Variants in ZFP90 observed in about 807,000 individuals in gnomAD.
ZFP90 encodes zinc finger protein 90 homolog.
Under a neutral mutation model 60.8 loss-of-function variants are expected in ZFP90, and 38 were observed. That is an observed-to-expected ratio of 0.62 (90% CI 0.48 to 0.82). ZFP90 has a LOEUF of 0.82. Ranked by LOEUF, ZFP90 falls within the 40% of genes least tolerant of loss-of-function variation. ZFP90 has a pLI of 0.00. For synonymous variants in ZFP90, 287 were observed against 264.8 expected, an observed-to-expected ratio of 1.08 and a Z score of -0.82; for missense variants, 711 against 759.1, an observed-to-expected ratio of 0.94 and a Z score of 0.74.
At chr16:68,550,746 T>C (rs2091246269) in intron 2 of ZFP90, among the ~76,000 whole-genome samples, 1 of 152,244 alleles carries the variant, frequency 6.6e-6, no homozygotes, top group Admixed American at 6.5e-5. Context: ...TTAGACTGTG[T>C]GGCTGTAGAT....
At chr16:68,557,911 T>G (rs1029380998) in intron 2 of ZFP90, 87 bp from the exon 3 acceptor site, 44 of 1,567,984 alleles carry the variant, frequency 2.8e-5, no homozygotes, top group Admixed American at 5.1e-5. Context: ...GATCACCACT[T>G]CTGATAGCTC....
Position 68,564,365 on chromosome 16 carries a change from A to C in ZFP90, c.1578A>C (p.Glu526Asp). The stretch of plus-strand genomic sequence containing the variant: ...TTCATACTGGAGAGAAACCCTATGA[A>C]TGTAATGAGTGTGGAGAAGCCTTTA... The part of the protein sequence containing the change: ...HRIHTGEKPY[E>D]CNECGEAFSR... The change falls in exon 5 of 5, where the codon GAA becomes GAC. Residue 526 changes from glutamate (E) to aspartate (D), a missense_variant. By Grantham distance (45) the Glu-to-Asp change is conservative. This residue lies in a region of ZFP90 where 295 missense variants were observed against 274.0 expected (regional missense o/e 1.08). Coordinates refer to ENST00000563169, the MANE Select transcript of ZFP90 (RefSeq NM_001305203.2). 6.2e-7 allele frequency: 1 copy of C among 1,614,104 alleles called. No homozygotes were observed. Among genetic ancestry groups the C allele is most frequent in the South Asian group, 1.1e-5 (1 of 91,080 alleles).
intron 2 of ZFP90, chr16:68,557,273 C>G (rs2091359902): frequency 4.4e-6 from 2 of 456,000 alleles, no homozygotes; most frequent in African/African-American, 4.0e-5. Context: ...CTTGACCTCT[C>G]AAAGTGTTAG....
chr16:68,539,377 T>C lies in ZFP90; in HGVS notation c.-138T>C, dbSNP rs571400787. 137 of 233,726 alleles carry C rather than the reference T, an allele frequency of 5.9e-4. 1 individual carries two copies. The highest frequency in any genetic ancestry group is 1.4e-3 in the Admixed American group (24 of 17,564). The allele number at this position is 233,726 out of a possible 1,614,324, so 14.5% of individuals were successfully genotyped here. A position where few individuals can be genotyped will look rare whatever the true frequency, so the allele number is the denominator to read the frequency against. ...TGGGCAGCCCCTCCGCAGATCAGAATTGGAGATAACCGAGGCTTCGGCGGG... is the reference window on the plus strand; with the variant it reads ...TGGGCAGCCCCTCCGCAGATCAGAACTGGAGATAACCGAGGCTTCGGCGGG... On this transcript the variant is annotated 5_prime_UTR_variant, in exon 1 of 5. Transcript: ENST00000563169.
At position 68,564,103 on chromosome 16, in the gene ZFP90, A is replaced by G. The variant is rs750111787; in HGVS notation, c.1316A>G (p.Gln439Arg). Residue 439 changes from glutamine (Q) to arginine (R), a missense_variant, in exon 5 of 5, where the codon CAA becomes CGA. Coordinates refer to ENST00000563169, the MANE Select transcript of ZFP90 (RefSeq NM_001305203.2). ...IDFKHSTSLT[Q>R]DESTLTEVKS... ...TTCAAGCACAGCACATCTCTCACTC[A>G]AGATGAAAGCACTCTTACCGAAGTG... is the stretch of plus-strand genomic sequence containing the variant. The G allele has an allele frequency of 3.1e-6, 5 of 1,614,168 alleles. No individual in the cohort carries two copies. The South Asian group carries it at 5.5e-5, about 18-fold the overall frequency.
rs1407223853 is a variant in ZFP90 at position 68,563,892 on chromosome 16, A to G, written c.1105A>G (p.Lys369Glu). The change falls in exon 5 of 5, where the codon AAG becomes GAG. Residue 369 changes from lysine (K) to glutamate (E), a missense_variant. Physicochemically the swap from Lys to Glu is moderately conservative, Grantham distance 56 (BLOSUM62 1). Coordinates refer to ENST00000563169, the MANE Select transcript of ZFP90 (RefSeq NM_001305203.2). The stretch of plus-strand genomic sequence containing the variant: ...CAGTGGAGAGAAGCCCTTCCAGTGT[A>G]AGGAATGTGGGAAAGCCTTTAGTCG... The part of the protein sequence containing the change: ...THSGEKPFQC[K>E]ECGKAFSRCS... The G allele has an allele frequency of 1.9e-6, 3 of 1,614,166 alleles. No individual in the cohort carries two copies. The highest frequency in any genetic ancestry group is 2.5e-6 in the Non-Finnish European group (3 of 1,180,012).
At chr16:68,572,457 T>C (rs547249308) in intron 2 of ZFP90, among the ~76,000 whole-genome samples, 30 of 152,304 alleles carry the variant, frequency 2.0e-4, no homozygotes, top group African/African-American at 7.0e-4. Flanking sequence ...GAAAACAAAA[T>C]GTCACATTCC....
At chr16:68,535,007 T>C (rs545878000), upstream of ZFP90, among the ~76,000 whole-genome samples, 2 of 152,350 alleles carry the variant, frequency 1.3e-5, no homozygotes, top group South Asian at 2.1e-4. Flanking sequence ...ATGAATATTA[T>C]ACTATTTTTT....
At chr16:68,557,260 G>A (rs982022371) in intron 2 of ZFP90, 22 of 455,824 alleles carry the variant, frequency 4.8e-5, no homozygotes, top group African/African-American at 1.8e-4. Flanking sequence ...GCGTTCTGCC[G>A]GCCTTGACCT....
chr16:68,544,216 T>G (rs1705325136), intron 2 of ZFP90, among the ~76,000 whole-genome samples: 1 of 152,164 alleles, frequency 6.6e-6, no homozygotes. Flanking sequence ...CATTTGCCAT[T>G]CTTAAAGTTG....
At chr16:68,575,765 G>A (rs1389004243) in intron 2 of ZFP90, 2 of 398,202 alleles carry the variant, frequency 5.0e-6, no homozygotes, top group Non-Finnish European at 8.8e-6. Context: ...TTGGGTTTCA[G>A]TGGGGACCTG....
intron 4 of ZFP90, chr16:68,562,276 A>G (rs1459319258): frequency 6.6e-6 from 1 of 152,196 alleles, no homozygotes; most frequent in Non-Finnish European, 1.5e-5. Flanking sequence ...CATTTCCATC[A>G]CTCCAAAAAG....
At chr16:68,561,548 T>A (rs1476867500) in intron 4 of ZFP90, among the ~76,000 whole-genome samples, 1 of 152,210 alleles carries the variant, frequency 6.6e-6, no homozygotes, top group Non-Finnish European at 1.5e-5. Flanking sequence ...TTTAATAATA[T>A]GCCATCTGAT....
At position 68,566,658 on chromosome 16, in the gene ZFP90, A is replaced by T. The variant is rs2091533019; in HGVS notation, c.*1960A>T. ...GTTTATGGTGCACCATGATTAGCTC[A>T]CACACAATGCCAAGGCTGTGCTTCT... On this transcript the variant is annotated 3_prime_UTR_variant, in exon 5 of 5. Coordinates refer to ENST00000563169, the MANE Select transcript of ZFP90 (RefSeq NM_001305203.2). 2.0e-6 allele frequency: 2 copies of T among 985,458 alleles called. No homozygotes were observed. The highest frequency in any genetic ancestry group is 1.7e-5 in the African/African-American group (1 of 57,228). 61.0% of individuals were successfully genotyped at this position (985,458 alleles called of 1,614,324 possible).
chr16:68,544,868 T>G (rs1013481376), intron 2 of ZFP90, among the ~76,000 whole-genome samples: 1 of 5,308 alleles, frequency 1.9e-4, no homozygotes, highest in Non-Finnish European at 3.2e-4. Context: ...GAACACCTTT[T>G]TTTTTTTTTT....
chr16:68,566,230 C>T lies in ZFP90; in HGVS notation c.*1532C>T, dbSNP rs2091525004. ...CCCCTAATGACTCCCATGGGCTATC[C>T]TAAAGGAACTTCCAGAACCTTTGTT... is the stretch of plus-strand genomic sequence containing the variant. On this transcript the variant is annotated 3_prime_UTR_variant, in exon 5 of 5. Coordinates refer to ENST00000563169, the MANE Select transcript of ZFP90 (RefSeq NM_001305203.2). 6.1e-6 allele frequency: 6 copies of T among 985,594 alleles called. No individual in the cohort carries two copies. The highest frequency in any genetic ancestry group is 7.2e-6 in the Non-Finnish European group (6 of 829,956). 61.1% of individuals were successfully genotyped at this position (985,594 alleles called of 1,614,324 possible).
chr16:68,544,074 G>A (rs947769492), intron 2 of ZFP90, among the ~76,000 whole-genome samples: 3 of 151,948 alleles, frequency 2.0e-5, no homozygotes, highest in African/African-American at 4.8e-5. Context: ...GACTGGTCTT[G>A]AACTCCTGAC....
Position 68,573,983 on chromosome 16 carries a change from C to T in ZFP90, c.224-1808C>T, listed in dbSNP as rs117843866. ...CACAGCGTGGGTACAAGCTTGGCTG[C>T]GTGCCTTTCTCCAGGTTTCCTGCAT... On this transcript the variant is annotated intron_variant, in intron 2 of 2. Transcript: ENST00000573113. 3.2e-3 allele frequency: 420 copies of T among 131,416 alleles called. 4 individuals are homozygous for T. In the East Asian group the frequency reaches 0.061, roughly 19 times the overall value. The allele number at this position is 131,416 out of a possible 1,614,324, so 8.1% of individuals were successfully genotyped here.
In ZFP90 at chr16:68,564,840, G is replaced by GT; in HGVS notation, c.*142_*143insT. The stretch of plus-strand genomic sequence containing the variant: ...GTGTGGAGAAAACTGCCAGTAGACA[G>GT]ATTTTTTTTTTTTAACATAAAGACA... On this transcript the variant is annotated 3_prime_UTR_variant, in exon 5 of 5. Transcript: ENST00000563169. 1.2e-6 allele frequency: 1 copy of GT among 814,100 alleles called. No individual in the cohort carries two copies. Among genetic ancestry groups the GT allele is most frequent in the South Asian group, 2.6e-5 (1 of 39,060 alleles). 50.4% of individuals were successfully genotyped at this position (814,100 alleles called of 1,614,324 possible).
Sources: allele counts gnomAD v4.1 joint callset (sites outside exome capture counted in the v4.1 genomes callset), GRCh38; gene constraint gnomAD v4.1.1; regional missense constraint gnomAD v4.1.1; transcripts MANE v1.5; gene names NCBI Gene and HGNC (gene_info 2026-07-23, HGNC 2026-07-21).